TP53BP1: variants seen among roughly 807,000 people sequenced by gnomAD.
TP53BP1 encodes the protein TP53-binding protein 1.
Under a neutral mutation model 200.8 loss-of-function variants are expected in TP53BP1, and 61 were observed. That is an observed-to-expected ratio of 0.30 (90% CI 0.25 to 0.38). The LOEUF is 0.38. Among genes scored for constraint, TP53BP1 ranks in the 10% least tolerant of loss-of-function variants. TP53BP1 has a pLI of 1.00. For synonymous variants in TP53BP1, 822 were observed against 844.3 expected (o/e 0.97, Z 0.46); for missense variants, 2,144 against 2,371.9 (o/e 0.90, Z 2.00).
chr15:43,431,510 G>C (rs558013498), intron 17 of TP53BP1, among the ~76,000 whole-genome samples: 2 of 151,978 alleles, frequency 1.3e-5, no homozygotes, highest in African/African-American at 4.8e-5. Flanking sequence ...CTCCAAAAGC[G>C]CTGGGATTTC....
In TP53BP1 at chr15:43,406,565, C is replaced by T. The variant is rs925190662; in HGVS notation, c.*818G>A. The T allele has an allele frequency of 5.3e-5, 24 of 455,660 alleles. No individual in the cohort carries two copies. The highest frequency in any genetic ancestry group is 4.2e-4 in the African/African-American group (21 of 50,024). 28.2% of individuals were successfully genotyped at this position (455,660 alleles called of 1,614,324 possible). ...TAGTTGTGATGGATCAAATGGCCCA[C>T]AAAGCCTGAAATATTTACTCTTTGA... On this transcript the variant is annotated 3_prime_UTR_variant, in exon 28 of 28. Coordinates refer to ENST00000382044, the MANE Select transcript of TP53BP1 (RefSeq NM_001141980.3).
At chr15:43,503,567 G>A (rs1031484957) in intron 1 of TP53BP1, among the ~76,000 whole-genome samples, 12 of 152,146 alleles carry the variant, frequency 7.9e-5, no homozygotes, top group African/African-American at 2.7e-4. Flanking sequence ...GCTGAGGCAG[G>A]AGAATTGTTT....
At chr15:43,426,181 C>G (rs969961785) in intron 18 of TP53BP1, among the ~76,000 whole-genome samples, 1 of 151,946 alleles carries the variant, frequency 6.6e-6, no homozygotes, top group African/African-American at 2.4e-5. Flanking sequence ...CAGTGGCTCA[C>G]GCCTGTAATC....
intron 15 of TP53BP1, among the ~76,000 whole-genome samples, chr15:43,440,764 CTG>C (rs2045909787): frequency 6.6e-6 from 1 of 152,022 alleles, no homozygotes; most frequent in Non-Finnish European, 1.5e-5. Context: ...TGGTACATGC[CTG>C]TAGCCCCAGC....
In TP53BP1 at chr15:43,438,427, A is replaced by G; in HGVS notation, c.3099-11T>C. The G allele has an allele frequency of 6.3e-7, 1 of 1,596,986 alleles. No homozygotes were observed. The highest frequency in any genetic ancestry group is 8.5e-7 in the Non-Finnish European group (1 of 1,169,674). ...ATGGTCTTCTGGGGACTAAGACAATATATTAAAGCAATATATTGTTAACTT... is the reference window on the plus strand; with the variant it reads ...ATGGTCTTCTGGGGACTAAGACAATGTATTAAAGCAATATATTGTTAACTT... On this transcript the variant is annotated splice_polypyrimidine_tract_variant and intron_variant, in intron 15 of 27. Transcript: ENST00000382044.
intron 27 of TP53BP1, 95 bp from the exon 28 acceptor site, chr15:43,407,665 T>C (rs1468512546): frequency 4.1e-6 from 5 of 1,220,008 alleles, no homozygotes; most frequent in Admixed American, 2.6e-5. Context: ...CATCCCACTC[T>C]GCACAAACCA....
rs181499219 is a variant in TP53BP1, at chr15:43,435,736, G to A, written c.3191+2588C>T. On this transcript the variant is annotated intron_variant, in intron 16 of 27. Transcript: ENST00000382044. The stretch of plus-strand genomic sequence containing the variant: ...GATAAGACATAACTCTCACTCTCTC[G>A]CCAGGCTGTAGTGCAGTGGCACCAT... Among the ~76,000 whole-genome samples, 22 of 149,978 alleles carry A rather than the reference G, an allele frequency of 1.5e-4. No homozygotes were observed. The South Asian group carries it at 1.5e-3, about 10-fold the overall frequency.
chr15:43,435,140 G>C (rs975079142), intron 16 of TP53BP1, among the ~76,000 whole-genome samples: 3 of 151,988 alleles, frequency 2.0e-5, no homozygotes, highest in African/African-American at 4.8e-5. Context: ...GCATACACCT[G>C]TAGTCCCAGC....
intron 12 of TP53BP1, among the ~76,000 whole-genome samples, chr15:43,453,901 A>T (rs1437582587): frequency 6.7e-6 from 1 of 150,228 alleles, no homozygotes; most frequent in East Asian, 2.0e-4. Context: ...CACTTAGACA[A>T]TGGGTATAAA....
At position 43,405,095 on chromosome 15, in the gene TP53BP1, G is replaced by C; in HGVS notation, c.*2288C>G. ...CAGAAGAGTCAAAAGAAACTCTTCA[G>C]TTTTAAGATGACATTATTTAGATCA... On this transcript the variant is annotated 3_prime_UTR_variant, in exon 28 of 28. Transcript: ENST00000382044. 7.5e-7 allele frequency: 1 copy of C among 1,341,376 alleles called. No homozygotes were observed. Among genetic ancestry groups the C allele is most frequent in the Non-Finnish European group, 1.1e-6 (1 of 949,506 alleles). 83.1% of individuals were successfully genotyped at this position (1,341,376 alleles called of 1,614,324 possible). A position where few individuals can be genotyped will look rare whatever the true frequency, so the allele number is the denominator to read the frequency against.
chr15:43,409,390 A>G (rs1477557269), intron 25 of TP53BP1: 19 of 551,604 alleles, frequency 3.4e-5, no homozygotes, highest in South Asian at 5.4e-5. Context: ...AGGGGTTTCT[A>G]CTACTAAACA....
In TP53BP1 at chr15:43,492,308, C is replaced by T; in HGVS notation, c.168G>A (p.Gln56=). The part of the protein sequence containing the change: ...SMLSRHLPNL[Q]THKENPVLDV... ...CCAACACAGGATTTTCTTTGTGCGT[C>T]TGGAGATTAGGAAGGTGTCGAGATA... Residue 56 remains glutamine (Q), a synonymous_variant, in exon 2 of 28, where the codon CAG becomes CAA. Transcript: ENST00000382044. 2 of 1,613,998 alleles carry T rather than the reference C, an allele frequency of 1.2e-6. No homozygotes were observed. Among genetic ancestry groups the T allele is most frequent in the Non-Finnish European group, 1.7e-6 (2 of 1,179,970 alleles).
At chr15:43,483,819 C>T (rs1398056884) in intron 4 of TP53BP1, among the ~76,000 whole-genome samples, 1 of 152,198 alleles carries the variant, frequency 6.6e-6, no homozygotes, top group African/African-American at 2.4e-5. Context: ...ACACTTTGAG[C>T]TCTTCTTAGT....
chr15:43,469,110 GA>G (rs1312497222), intron 11 of TP53BP1, among the ~76,000 whole-genome samples: 2 of 152,062 alleles, frequency 1.3e-5, no homozygotes, highest in East Asian at 3.8e-4. Context: ...GGTCTTATAA[GA>G]ATAGGTATTT....
At chr15:43,495,495 T>TCTCACACACA (rs1555410631), upstream of TP53BP1, among the ~76,000 whole-genome samples, 1 of 133,352 alleles carries the variant, frequency 7.5e-6, no homozygotes, top group Non-Finnish European at 1.6e-5. Flanking sequence ...TGAGACTCCG[T>TCTCACACACA]CACACACACA....
intron 12 of TP53BP1, among the ~76,000 whole-genome samples, chr15:43,454,866 G>C (rs1047749474): frequency 2.6e-5 from 4 of 152,134 alleles, no homozygotes; most frequent in Non-Finnish European, 5.9e-5. Context: ...CGAGTAGCTG[G>C]AACTACTGGT....
chr15:43,446,515 G>C lies in TP53BP1; in HGVS notation c.2912C>G (p.Pro971Arg), dbSNP rs1314629993. The C allele has an allele frequency of 6.2e-7, 1 of 1,614,096 alleles. No homozygotes were observed. Among genetic ancestry groups the C allele is most frequent in the Admixed American group, 1.7e-5 (1 of 60,006 alleles). The change falls in exon 14 of 28, where the codon CCC (proline) becomes CGC (arginine). Residue 971 changes from proline (P) to arginine (R), a missense_variant. Pro to Arg is a moderately radical substitution (Grantham distance 103). Coordinates refer to ENST00000382044, the MANE Select transcript of TP53BP1 (RefSeq NM_001141980.3). ...MSESMVETHD[P>R]ILGSGKGDSG... Reference sequence around the variant, plus strand: ...ATCCCCTTTTCCACTCCCAAGTATGGGATCATGGGTCTCCACCATGCTTTC... The same window carrying C: ...ATCCCCTTTTCCACTCCCAAGTATGCGATCATGGGTCTCCACCATGCTTTC...
chr15:43,470,347 T>C (rs1210257187), intron 10 of TP53BP1, among the ~76,000 whole-genome samples: 1 of 152,236 alleles, frequency 6.6e-6, no homozygotes, highest in Non-Finnish European at 1.5e-5. Flanking sequence ...TAAATTAACT[T>C]GGCTCCTTTC....
At chr15:43,484,224 A>C (rs950459597) in intron 4 of TP53BP1, among the ~76,000 whole-genome samples, 1 of 152,218 alleles carries the variant, frequency 6.6e-6, no homozygotes, top group Admixed American at 6.5e-5. Flanking sequence ...ACTTGAAGCA[A>C]AACAAACCTG....
Sources: allele counts gnomAD v4.1 joint callset (sites outside exome capture counted in the v4.1 genomes callset), GRCh38; gene constraint gnomAD v4.1.1; transcripts MANE v1.5; gene names NCBI Gene and HGNC (gene_info 2026-07-23, HGNC 2026-07-21).